CFAP90: variants seen among roughly 807,000 people sequenced by gnomAD.
CFAP90 encodes the protein cilia- and flagella-associated protein 90.
chr5:7,833,638 TAC>T, the CFAP90 span, among the ~76,000 whole-genome samples: 4 of 152,036 alleles, frequency 2.6e-5, no homozygotes, highest in Non-Finnish European at 1.5e-5. Flanking sequence ...CATATATACA[TAC>T]ACACATGTAC....
At chr5:7,831,826 T>C in the CFAP90 span, 1 of 1,597,274 alleles carries the variant, frequency 6.3e-7, no homozygotes, top group Non-Finnish European at 8.6e-7. Context: ...GTATCGGACA[T>C]GCCCTGTGGG....
the CFAP90 span, among the ~76,000 whole-genome samples, chr5:7,848,446 C>T: frequency 1.4e-3 from 216 of 152,312 alleles, 2 homozygotes; most frequent in East Asian, 0.033. Flanking sequence ...GCTGGGGCTG[C>T]ACAAACTAAG....
At chr5:7,850,812 C>G in the CFAP90 span, 16 of 1,209,566 alleles carry the variant, frequency 1.3e-5, no homozygotes, top group Non-Finnish European at 1.7e-5. Flanking sequence ...GCCCAGCCGC[C>G]CAGCCGCCCA....
chr5:7,836,568 C>T, the CFAP90 span, among the ~76,000 whole-genome samples: 5 of 152,072 alleles, frequency 3.3e-5, no homozygotes, highest in Non-Finnish European at 5.9e-5. Context: ...TGGGGAAATG[C>T]GGATGATTTT....
At chr5:7,838,280 T>C in the CFAP90 span, among the ~76,000 whole-genome samples, 1 of 152,130 alleles carries the variant, frequency 6.6e-6, no homozygotes, top group African/African-American at 2.4e-5. Flanking sequence ...TATCAATCAC[T>C]TTGACTACAT....
At chr5:7,837,741 G>T in the CFAP90 span, among the ~76,000 whole-genome samples, 1 of 152,212 alleles carries the variant, frequency 6.6e-6, no homozygotes, top group Non-Finnish European at 1.5e-5. Context: ...GAGCCGTCTA[G>T]TAAGGAAACA....
the CFAP90 span, among the ~76,000 whole-genome samples, chr5:7,842,818 A>G: frequency 2.6e-5 from 4 of 152,306 alleles, no homozygotes; most frequent in East Asian, 7.7e-4. Flanking sequence ...GTAGTATTTG[A>G]TGATTTCTGT....
chr5:7,845,880 T>C, the CFAP90 span, among the ~76,000 whole-genome samples: 5 of 119,952 alleles, frequency 4.2e-5, no homozygotes, highest in East Asian at 1.1e-3. Context: ...GTCCACTCTG[T>C]GGGCTCCCTG....
At chr5:7,833,770 T>G in the CFAP90 span, among the ~76,000 whole-genome samples, 2 of 152,160 alleles carry the variant, frequency 1.3e-5, no homozygotes, top group African/African-American at 4.8e-5. Context: ...TAATATTAAG[T>G]TGGTGCAAAA....
At chr5:7,835,751 C>A in the CFAP90 span, among the ~76,000 whole-genome samples, 2 of 152,208 alleles carry the variant, frequency 1.3e-5, no homozygotes, top group Non-Finnish European at 2.9e-5. Context: ...CACTTCTCAA[C>A]TTTCTCCTCC....
chr5:7,833,319 A>G, the CFAP90 span, among the ~76,000 whole-genome samples: 1 of 152,156 alleles, frequency 6.6e-6, no homozygotes, highest in African/African-American at 2.4e-5. Flanking sequence ...ACACATGTAC[A>G]TGCATACAAT....
At chr5:7,832,180 C>T in the CFAP90 span, 1 of 710,674 alleles carries the variant, frequency 1.4e-6, no homozygotes, top group East Asian at 2.6e-5. Context: ...AAGCCAGGGG[C>T]TTCACAGGGA....
At chr5:7,833,202 A>G in the CFAP90 span, among the ~76,000 whole-genome samples, 7 of 152,222 alleles carry the variant, frequency 4.6e-5, no homozygotes, top group Admixed American at 3.9e-4. Flanking sequence ...TCTTGGCACA[A>G]AAAGATAGAG....
the CFAP90 span, chr5:7,850,807 GCCGCCCA>G: frequency 6.4e-6 from 5 of 783,906 alleles, no homozygotes; most frequent in Non-Finnish European, 8.1e-6. Flanking sequence ...CAGCCGCCCA[GCCGCCCA>G]GCCGCCCAGC....
At chr5:7,849,192 C>A in the CFAP90 span, among the ~76,000 whole-genome samples, 1 of 152,214 alleles carries the variant, frequency 6.6e-6, no homozygotes, top group African/African-American at 2.4e-5. Flanking sequence ...CAACCGACAG[C>A]AGTTGTCTAA....
the CFAP90 span, among the ~76,000 whole-genome samples, chr5:7,844,466 G>T: frequency 6.6e-6 from 1 of 152,144 alleles, no homozygotes; most frequent in Admixed American, 6.5e-5. Context: ...CTATGAGACA[G>T]GCACTCTTTT....
chr5:7,848,469 C>T, the CFAP90 span, among the ~76,000 whole-genome samples: 8 of 152,170 alleles, frequency 5.3e-5, no homozygotes, highest in Non-Finnish European at 7.3e-5. Context: ...CCATGGATGA[C>T]GTGGCTTAAC....
the CFAP90 span, chr5:7,835,594 G>A: frequency 2.8e-6 from 2 of 707,334 alleles, no homozygotes; most frequent in South Asian, 3.5e-5. Context: ...CCCAAGGGAG[G>A]CTGGAGGTGC....
the CFAP90 span, among the ~76,000 whole-genome samples, chr5:7,838,916 C>A: frequency 6.6e-6 from 1 of 152,186 alleles, no homozygotes; most frequent in Admixed American, 6.5e-5. Flanking sequence ...GGTGGGCAGC[C>A]ACCCTCACCC....
Sources: allele counts gnomAD v4.1 joint callset (sites outside exome capture counted in the v4.1 genomes callset), GRCh38; gene constraint gnomAD v4.1.1; transcripts MANE v1.5; gene names NCBI Gene and HGNC (gene_info 2026-07-23, HGNC 2026-07-21).